The following ELK4 variants were observed in gnomAD, a reference collection of about 807,000 sequenced individuals.
ELK4 encodes the protein ETS transcription factor ELK4, also known as ETS domain-containing protein Elk-4.
A neutral mutation model predicts 29.6 loss-of-function variants in ELK4; 16 were observed. The observed-to-expected ratio is 0.54, with a 90% confidence interval of 0.37 to 0.82. ELK4 has a LOEUF of 0.82. Among genes scored for constraint, ELK4 ranks in the 40% least tolerant of loss-of-function variants. ELK4 has a pLI of 0.00. For synonymous variants in ELK4, 213 were observed against 191.1 expected (o/e 1.11, Z -0.95); for missense variants, 465 against 507.1 (o/e 0.92, Z 0.80).
intron 3 of ELK4, 133 bp downstream of exon 3, chr1:205,619,833 T>C (rs1463457109): frequency 6.3e-7 from 1 of 1,583,414 alleles, no homozygotes; most frequent in Admixed American, 1.8e-5. Context: ...AACTTTCACA[T>C]GACAGTCACA....
In ELK4 at chr1:205,623,900, A is replaced by C. The variant is rs1451328504; in HGVS notation, c.-9-9T>G. The C allele has an allele frequency of 3.7e-6, 6 of 1,612,590 alleles. No individual in the cohort carries two copies. Among genetic ancestry groups the C allele is most frequent in the Non-Finnish European group, 5.1e-6 (6 of 1,178,792 alleles). On this transcript the variant is annotated splice_polypyrimidine_tract_variant and intron_variant, in intron 1 of 4. Coordinates refer to ENST00000357992, the MANE Select transcript of ELK4 (RefSeq NM_001973.4). Reference sequence around the variant, plus strand: ...CTGTCCATAGCAATGAGCTGAAAGAATATAGATAAGATATGTGATAATATT... The same window carrying C: ...CTGTCCATAGCAATGAGCTGAAAGACTATAGATAAGATATGTGATAATATT...
In ELK4 at chr1:205,615,603, T is replaced by C. The variant is rs906628869; in HGVS notation, c.*943A>G. The C allele has an allele frequency of 1.0e-5, 2 of 196,468 alleles. No homozygotes were observed. Among genetic ancestry groups the C allele is most frequent in the Admixed American group, 1.2e-4 (2 of 16,446 alleles). The allele number at this position is 196,468 out of a possible 1,614,324, so 12.2% of individuals were successfully genotyped here. A position where few individuals can be genotyped will look rare whatever the true frequency, so the allele number is the denominator to read the frequency against. ...GGTCCTTCACTTGGTTATCTTCTAA[T>C]TGAGAAAACCACTACATGTTGTTTC... is the stretch of plus-strand genomic sequence containing the variant. On this transcript the variant is annotated 3_prime_UTR_variant, in exon 5 of 5. Transcript: ENST00000357992.
intron 4 of ELK4, among the ~76,000 whole-genome samples, chr1:205,617,989 G>C (rs1489049523): frequency 8.1e-6 from 1 of 123,864 alleles, no homozygotes; most frequent in African/African-American, 2.9e-5. Flanking sequence ...GTGTGTGAGA[G>C]AGAGAGAGAG....
intron 3 of ELK4, chr1:205,619,350 AATTCTGAG>A (rs1308526398): frequency 9.3e-7 from 1 of 1,070,458 alleles, no homozygotes; most frequent in Admixed American, 5.3e-5. Context: ...TTTGGTGGTA[AATTCTGAG>A]ATTCTGGTGC....
chr1:205,617,196 G>A (rs1283889687), intron 4 of ELK4, among the ~76,000 whole-genome samples: 1 of 151,656 alleles, frequency 6.6e-6, no homozygotes, highest in African/African-American at 2.4e-5. Context: ...GTGTGGCAAT[G>A]AAAAAAAATA....
At chr1:205,620,989 G>C in intron 2 of ELK4, 151 bp from the exon 3 acceptor site, 1 of 875,354 alleles carries the variant, frequency 1.1e-6, no homozygotes, top group Non-Finnish European at 1.7e-6. Context: ...GAGGTCAGGA[G>C]ATTGAGACCA....
intron 1 of ELK4, chr1:205,626,176 G>A (rs1026100925): frequency 3.0e-5 from 19 of 625,456 alleles, no homozygotes; most frequent in Admixed American, 2.5e-4. Context: ...TGAGCTGGAA[G>A]GGGGGTCTCA....
chr1:205,608,981 T>C lies in ELK4; in HGVS notation c.*7565A>G, dbSNP rs1386413017. 5.3e-6 allele frequency: 1 copy of C among 188,998 alleles called. No individual in the cohort carries two copies. Among genetic ancestry groups the C allele is most frequent in the Non-Finnish European group, 1.1e-5 (1 of 89,832 alleles). The allele number at this position is 188,998 out of a possible 1,614,324, so 11.7% of individuals were successfully genotyped here. A position where few individuals can be genotyped will look rare whatever the true frequency, so the allele number is the denominator to read the frequency against. Reference sequence around the variant, plus strand: ...TCTTCTGAATTACAGATTGGCTTAATGAAAATTAAGAGTTTATTATTAAGC... The same window carrying C: ...TCTTCTGAATTACAGATTGGCTTAACGAAAATTAAGAGTTTATTATTAAGC... On this transcript the variant is annotated 3_prime_UTR_variant, in exon 5 of 5. Coordinates refer to ENST00000357992, the MANE Select transcript of ELK4 (RefSeq NM_001973.4).
At chr1:205,628,214 C>G (rs971466720) in intron 1 of ELK4, among the ~76,000 whole-genome samples, 2 of 152,228 alleles carry the variant, frequency 1.3e-5, no homozygotes, top group Admixed American at 6.5e-5. Context: ...ATGGTGGAAG[C>G]AGGCAGGGAT....
chr1:205,620,656 C>G lies in ELK4; in HGVS notation c.390G>C (p.Gln130His). The G allele has an allele frequency of 3.1e-6, 5 of 1,614,120 alleles. No individual in the cohort carries two copies. Among genetic ancestry groups the G allele is most frequent in the East Asian group, 2.2e-5 (1 of 44,882 alleles). The change falls in exon 3 of 5, where the codon CAG becomes CAC. Residue 130 changes from glutamine (Q) to histidine (H), a missense_variant. Gln to His is a conservative substitution (Grantham distance 24, BLOSUM62 0). Transcript: ENST00000357992. ...TGCGGCTAGAGGTCTTGGCACCAGG[C>G]TGAGGTGGTTTATCTTTCCCTCCAT... ...VENGGKDKPPQPGAKTSSRND... is the reference protein window; with the variant it reads ...VENGGKDKPPHPGAKTSSRND...
chr1:205,621,800 T>G (rs1670355516), intron 2 of ELK4, among the ~76,000 whole-genome samples: 1 of 150,520 alleles, frequency 6.6e-6, no homozygotes, highest in Non-Finnish European at 1.5e-5. Context: ...ATTACAGGCG[T>G]GAGCCACCGC....
chr1:205,630,597 C>A (rs531464578), intron 1 of ELK4, among the ~76,000 whole-genome samples: 2 of 152,282 alleles, frequency 1.3e-5, no homozygotes, highest in South Asian at 4.1e-4. Context: ...TTTTTAACTA[C>A]ACAGGCTCCT....
At chr1:205,625,454 C>G in intron 1 of ELK4, 2 of 615,014 alleles carry the variant, frequency 3.3e-6, no homozygotes, top group Non-Finnish European at 6.0e-6. Context: ...TCCTTCAGCC[C>G]AGCCTAGTTC....
chr1:205,627,793 A>G (rs1235217679), intron 1 of ELK4, among the ~76,000 whole-genome samples: 4 of 152,390 alleles, frequency 2.6e-5, no homozygotes, highest in Middle Eastern at 3.4e-3. Flanking sequence ...TTGGGTTTCT[A>G]TAACTTTTCT....
intron 1 of ELK4, among the ~76,000 whole-genome samples, chr1:205,626,432 G>A (rs1670463509): frequency 6.6e-6 from 1 of 152,040 alleles, no homozygotes. Flanking sequence ...GATTGTTTCA[G>A]TTTCTGTTCC....
chr1:205,625,174 T>C (rs1044667601), intron 1 of ELK4, among the ~76,000 whole-genome samples: 3 of 152,056 alleles, frequency 2.0e-5, no homozygotes, highest in African/African-American at 7.2e-5. Flanking sequence ...AAATTTAAAA[T>C]TGTTGTGCTG....
rs561180534 is a variant in ELK4, at chr1:205,625,321, A to G, written c.-9-1430T>C. Among the ~76,000 whole-genome samples, 8 of 152,294 alleles carry G rather than the reference A, an allele frequency of 5.3e-5. No homozygotes were observed. In the East Asian group the frequency reaches 1.5e-3, roughly 29 times the overall value. ...AAAAAAAAAAAGCAAAGAATTTGAA[A>G]AGACATCATAGCAAAGAAGATATAC... is the stretch of plus-strand genomic sequence containing the variant. On this transcript the variant is annotated intron_variant, in intron 1 of 4. Transcript: ENST00000357992.
At position 205,620,184 on chromosome 1, in the gene ELK4, G is replaced by T. The variant is rs1242037581; in HGVS notation, c.862C>A (p.Gln288Lys). The T allele has an allele frequency of 6.2e-7, 1 of 1,614,102 alleles. No homozygotes were observed. The highest frequency in any genetic ancestry group is 8.5e-7 in the Non-Finnish European group (1 of 1,180,026). Residue 288 changes from glutamine (Q) to lysine (K), a missense_variant, in exon 3 of 5, where the codon CAG (glutamine) becomes AAG (lysine). By Grantham distance (53) the Gln-to-Lys change is moderately conservative (BLOSUM62 1). This residue lies in a region of ELK4 where 385 missense variants were observed against 387.5 expected (regional missense o/e 0.99). Coordinates refer to ENST00000357992, the MANE Select transcript of ELK4 (RefSeq NM_001973.4). ...IDTDIDSVAS[Q>K]PMELPENLSL... Reference sequence around the variant, plus strand: ...AAATTCTCTGGAAGTTCCATTGGCTGAGAAGCCACTGAATCAATGTCTGTG... The same window carrying T: ...AAATTCTCTGGAAGTTCCATTGGCTTAGAAGCCACTGAATCAATGTCTGTG...
chr1:205,617,838 T>C (rs145964752), intron 4 of ELK4, among the ~76,000 whole-genome samples: 1 of 151,866 alleles, frequency 6.6e-6, no homozygotes, highest in Non-Finnish European at 1.5e-5. Context: ...GAGGCAGAGG[T>C]TGCAGTGAGC....
Sources: allele counts gnomAD v4.1 joint callset (sites outside exome capture counted in the v4.1 genomes callset), GRCh38; gene constraint gnomAD v4.1.1; regional missense constraint gnomAD v4.1.1; transcripts MANE v1.5; gene names NCBI Gene and HGNC (gene_info 2026-07-23, HGNC 2026-07-21).